Variants in CFAP299 observed in about 807,000 individuals in gnomAD.
CFAP299 encodes the protein cilia and flagella associated protein 299, also known as cilia- and flagella-associated protein 299.
Under a neutral mutation model 27.0 loss-of-function variants are expected in CFAP299, and 21 were observed. That is an observed-to-expected ratio of 0.78 (90% CI 0.55 to 1.12). The LOEUF (loss-of-function observed/expected upper bound fraction) is 1.12, where lower values mean the gene tolerates loss of function less well. Among genes scored for constraint, CFAP299 ranks in the 50% most tolerant of loss-of-function variants. CFAP299 has a pLI of 0.00. For missense variants in CFAP299, 310 were observed against 276.6 expected, an observed-to-expected ratio of 1.12 and a Z score of -0.86; for synonymous variants, 104 against 98.1, an observed-to-expected ratio of 1.06 and a Z score of -0.36.
chr4:80,734,479 C>T (rs188705478), intron 3 of CFAP299, among the ~76,000 whole-genome samples: 2 of 152,084 alleles, frequency 1.3e-5, no homozygotes, highest in East Asian at 1.9e-4. Flanking sequence ...GATGTGATCC[C>T]GTTTGCCCAT....
chr4:80,330,441 A>T, the CFAP299 span, among the ~76,000 whole-genome samples: 2 of 152,090 alleles, frequency 1.3e-5, no homozygotes, highest in African/African-American at 4.8e-5. Context: ...GCCCTCTTGC[A>T]TATGTCCTGC....
chr4:80,824,149 C>A (rs1729856106), intron 3 of CFAP299, among the ~76,000 whole-genome samples: 1 of 152,070 alleles, frequency 6.6e-6, no homozygotes, highest in Non-Finnish European at 1.5e-5. Context: ...CCCACCTAGA[C>A]AACAATCACA....
chr4:80,690,253 C>A (rs866619990), intron 3 of CFAP299, among the ~76,000 whole-genome samples: 21 of 150,482 alleles, frequency 1.4e-4, no homozygotes, highest in Non-Finnish European at 1.9e-4. Flanking sequence ...TTTTTCAGCA[C>A]CACACCACAC....
At chr4:80,802,162 C>T (rs779169852) in intron 3 of CFAP299, among the ~76,000 whole-genome samples, 2 of 151,926 alleles carry the variant, frequency 1.3e-5, no homozygotes, top group Non-Finnish European at 2.9e-5. Context: ...ATCTCAAACA[C>T]CTGGTGTATT....
chr4:80,497,951 G>T (rs1438528167), intron 2 of CFAP299, among the ~76,000 whole-genome samples: 1 of 152,064 alleles, frequency 6.6e-6, no homozygotes, highest in Non-Finnish European at 1.5e-5. Context: ...CAGATACAAA[G>T]CCATACACCT....
At chr4:80,784,395 A>C (rs1411686369) in intron 3 of CFAP299, among the ~76,000 whole-genome samples, 1 of 152,202 alleles carries the variant, frequency 6.6e-6, no homozygotes, top group African/African-American at 2.4e-5. Context: ...CCTAACATAC[A>C]TGAGGTGATA....
intron 2 of CFAP299, among the ~76,000 whole-genome samples, chr4:80,428,329 T>C (rs1337615912): frequency 6.6e-6 from 1 of 152,218 alleles, no homozygotes; most frequent in Non-Finnish European, 1.5e-5. Context: ...AGAAAAAGCC[T>C]ATTCTAAATT....
intron 4 of CFAP299, among the ~76,000 whole-genome samples, chr4:80,882,956 G>A (rs951988216): frequency 2.0e-5 from 3 of 152,002 alleles, no homozygotes; most frequent in Non-Finnish European, 4.4e-5. Context: ...CTGATTAGAA[G>A]CATGAAAATA....
chr4:80,338,328 T>C lies in CFAP299; in HGVS notation c.111+2449T>C, dbSNP rs1445277393. 3.3e-5 allele frequency among the ~76,000 whole-genome samples: 5 copies of C among 152,192 alleles called. No homozygotes were observed. The South Asian group carries it at 1.0e-3, about 31-fold the overall frequency. ...CTTAAAAATCTATTTTCTTGACATT[T>C]TAAAAGAACATAATATATTGTTATT... is the stretch of plus-strand genomic sequence containing the variant. On this transcript the variant is annotated intron_variant, in intron 1 of 5. Coordinates refer to ENST00000358105, the MANE Select transcript of CFAP299 (RefSeq NM_152770.3).
chr4:80,547,261 A>G (rs1049795644), intron 2 of CFAP299, among the ~76,000 whole-genome samples: 2 of 152,184 alleles, frequency 1.3e-5, no homozygotes, highest in African/African-American at 4.8e-5. Flanking sequence ...AGAGTCAACA[A>G]TAACAAACAA....
At chr4:80,941,661 A>AC (rs1553908275) in intron 4 of CFAP299, among the ~76,000 whole-genome samples, 3 of 152,112 alleles carry the variant, frequency 2.0e-5, no homozygotes, top group African/African-American at 7.2e-5. Flanking sequence ...ATTTATTTAA[A>AC]AAAACAAAAC....
chr4:80,643,187 T>A (rs1372726542), intron 3 of CFAP299, among the ~76,000 whole-genome samples: 1 of 152,034 alleles, frequency 6.6e-6, no homozygotes, highest in Non-Finnish European at 1.5e-5. Flanking sequence ...AAGGAGTGAT[T>A]GACTAGGCCA....
At chr4:80,725,525 C>T (rs2110049847) in intron 3 of CFAP299, among the ~76,000 whole-genome samples, 1 of 152,214 alleles carries the variant, frequency 6.6e-6, no homozygotes, top group South Asian at 2.1e-4. Context: ...AAAGGTGAAT[C>T]TCACCATGGG....
At chr4:80,397,117 ATG>A (rs1725845600) in intron 2 of CFAP299, among the ~76,000 whole-genome samples, 1 of 151,678 alleles carries the variant, frequency 6.6e-6, no homozygotes, top group African/African-American at 2.4e-5. Flanking sequence ...GGGAGGGTGT[ATG>A]TGTCCAGGAA....
intron 3 of CFAP299, among the ~76,000 whole-genome samples, chr4:80,654,787 T>TC (rs1464364921): frequency 2.8e-5 from 4 of 141,288 alleles, no homozygotes; most frequent in African/African-American, 1.2e-4. Context: ...TTTTTAACTT[T>TC]TTTTTTTTTT....
At chr4:80,631,272 G>A (rs1263326658) in intron 3 of CFAP299, among the ~76,000 whole-genome samples, 2 of 151,848 alleles carry the variant, frequency 1.3e-5, no homozygotes, top group Non-Finnish European at 2.9e-5. Context: ...TGTTGGTATA[G>A]CATTATATAA....
At chr4:80,386,804 G>A (rs761374192) in intron 2 of CFAP299, 69 of 1,057,518 alleles carry the variant, frequency 6.5e-5, no homozygotes, top group Non-Finnish European at 9.8e-5. Context: ...CGTCGATAAA[G>A]GGCATTTATA....
chr4:80,516,196 T>G (rs1732581566), intron 2 of CFAP299, among the ~76,000 whole-genome samples: 1 of 151,874 alleles, frequency 6.6e-6, no homozygotes, highest in Admixed American at 6.6e-5. Context: ...AATGTTTGTA[T>G]TTTTAGTAGA....
At chr4:80,322,067 G>T in the CFAP299 span, among the ~76,000 whole-genome samples, 2 of 152,136 alleles carry the variant, frequency 1.3e-5, no homozygotes, top group Non-Finnish European at 2.9e-5. Flanking sequence ...TAGCACCCAG[G>T]GTCATTGTGG....
Sources: allele counts gnomAD v4.1 joint callset (sites outside exome capture counted in the v4.1 genomes callset), GRCh38; gene constraint gnomAD v4.1.1; transcripts MANE v1.5; gene names NCBI Gene and HGNC (gene_info 2026-07-23, HGNC 2026-07-21).